The following CDKAL1 variants were observed in gnomAD, a reference collection of about 807,000 sequenced individuals.
The protein encoded by CDKAL1 is CDKAL1 threonylcarbamoyladenosine tRNA methylthiotransferase.
In CDKAL1, 32 loss-of-function variants were observed where a neutral mutation model predicts 68.2. The ratio of observed to expected loss-of-function variants is 0.47; its 90% CI spans 0.35 to 0.63. The LOEUF (loss-of-function observed/expected upper bound fraction) is 0.63. Ranked by LOEUF, CDKAL1 falls within the 30% of genes least tolerant of loss-of-function variation. The probability of loss-of-function intolerance (pLI) is 0.00; values close to 1 mark genes in which losing one functional copy is unlikely to be tolerated. For missense variants in CDKAL1, 606 were observed against 696.7 expected, an observed-to-expected ratio of 0.87 and a Z score of 1.47; for synonymous variants, 234 against 244.3, an observed-to-expected ratio of 0.96 and a Z score of 0.39.
intron 9 of CDKAL1, among the ~76,000 whole-genome samples, chr6:20,877,398 C>G (rs1760575607): frequency 6.6e-6 from 1 of 152,206 alleles, no homozygotes. Context: ...CAGATCCTCA[C>G]TTTGTCCAAA....
At chr6:20,911,832 A>AT (rs1368321713) in intron 9 of CDKAL1, among the ~76,000 whole-genome samples, 1 of 152,200 alleles carries the variant, frequency 6.6e-6, no homozygotes, top group Non-Finnish European at 1.5e-5. Context: ...CTATTCCAGC[A>AT]TTTTAACAGT....
At chr6:20,746,482 A>G (rs897259405) in intron 6 of CDKAL1, among the ~76,000 whole-genome samples, 1 of 152,216 alleles carries the variant, frequency 6.6e-6, no homozygotes, top group African/African-American at 2.4e-5. Flanking sequence ...TAGCGTTGAA[A>G]CACATTAAGC....
In CDKAL1 at chr6:21,176,701, T is replaced by G. The variant is rs552565460; in HGVS notation, c.1300-21320T>G. On this transcript the variant is annotated intron_variant, in intron 13 of 15. Transcript: ENST00000274695. ...ATGTTGGTTTTTTTTTTTTTGTTTT[T>G]TTTTTTTTTTTGAGACGGAGTCTGA... 5.2e-3 allele frequency among the ~76,000 whole-genome samples: 755 copies of G among 146,536 alleles called. 9 individuals are homozygous for G. Among genetic ancestry groups the G allele is most frequent in the Admixed American group, 8.5e-3 (124 of 14,630 alleles).
At chr6:21,202,209 C>T (rs938391774) in intron 15 of CDKAL1, among the ~76,000 whole-genome samples, 3 of 152,100 alleles carry the variant, frequency 2.0e-5, no homozygotes, top group Non-Finnish European at 4.4e-5. Flanking sequence ...ATTCTTGTGT[C>T]CGACAGCAGT....
In CDKAL1 at chr6:20,546,529, C is replaced by CT. The variant is rs779525956; in HGVS notation, c.173+12dup. 11 of 1,608,268 alleles carry CT rather than the reference C, an allele frequency of 6.8e-6. No individual in the cohort carries two copies. The South Asian group carries it at 1.1e-4, about 16-fold the overall frequency. The stretch of plus-strand genomic sequence containing the variant: ...AACAGTCCACCAAGTGACAGGTAAG[C>CT]TTTTTTCCTTGAAATTATATTCATT... On this transcript the variant is annotated splice_region_variant and intron_variant, in intron 3 of 15. Transcript: ENST00000274695.
rs143403927 is a variant in CDKAL1 at position 21,202,471 on chromosome 6, T to C, written c.1548+1197T>C. On this transcript the variant is annotated intron_variant, in intron 15 of 15. Coordinates refer to ENST00000274695, the MANE Select transcript of CDKAL1 (RefSeq NM_017774.3). ...GCAGTGTAACCTGGCATTTAAATTA[T>C]ATTGCTAGAGATTTGGCTTTTGATA... Among the ~76,000 whole-genome samples, 425 of 152,346 alleles carry C rather than the reference T, an allele frequency of 2.8e-3. 2 individuals are homozygous for C. Among genetic ancestry groups the C allele is most frequent in the African/African-American group, 9.7e-3 (403 of 41,580 alleles).
At chr6:21,159,492 A>C (rs540284611) in intron 13 of CDKAL1, among the ~76,000 whole-genome samples, 5 of 152,282 alleles carry the variant, frequency 3.3e-5, no homozygotes, top group Admixed American at 3.3e-4. Context: ...CTTCATATAC[A>C]TCACACTTGC....
At chr6:21,155,353 A>G (rs1478249133) in intron 13 of CDKAL1, among the ~76,000 whole-genome samples, 2 of 152,168 alleles carry the variant, frequency 1.3e-5, no homozygotes, top group Non-Finnish European at 2.9e-5. Context: ...TCCTTGTACA[A>G]TTGGGAGGAG....
chr6:20,849,594 A>C (rs2150501811), intron 9 of CDKAL1, among the ~76,000 whole-genome samples: 1 of 152,224 alleles, frequency 6.6e-6, no homozygotes, highest in African/African-American at 2.4e-5. Flanking sequence ...AAAAAAAAAA[A>C]AAAAAAACAT....
chr6:20,576,435 G>A (rs9358345), intron 4 of CDKAL1, among the ~76,000 whole-genome samples: 50,741 of 152,060 alleles, frequency 0.33, 9,100 homozygotes, highest in East Asian at 0.53. Flanking sequence ...AACAATTGGT[G>A]TTTCATCATT....
At chr6:21,190,094 C>T (rs1488424319) in intron 13 of CDKAL1, among the ~76,000 whole-genome samples, 1 of 151,800 alleles carries the variant, frequency 6.6e-6, no homozygotes, top group East Asian at 1.9e-4. Context: ...TTGAAGGTCA[C>T]AGCCTTGTAT....
At chr6:20,732,441 ATTT>A (rs35633408) in intron 5 of CDKAL1, among the ~76,000 whole-genome samples, 2 of 119,044 alleles carry the variant, frequency 1.7e-5, no homozygotes, top group African/African-American at 3.1e-5. Context: ...ACACCTGGCT[ATTT>A]TTTTTTTTTT....
At chr6:21,214,920 G>A (rs928505068) in intron 15 of CDKAL1, among the ~76,000 whole-genome samples, 3 of 145,024 alleles carry the variant, frequency 2.1e-5, no homozygotes, top group East Asian at 2.0e-4. Flanking sequence ...AATTTGTTCC[G>A]GAGATATATG....
At chr6:20,774,985 G>A (rs372017269) in intron 7 of CDKAL1, among the ~76,000 whole-genome samples, 15 of 152,210 alleles carry the variant, frequency 9.9e-5, no homozygotes, top group African/African-American at 1.4e-4. Context: ...TAAACCCACT[G>A]AGACATATTT....
chr6:21,033,184 G>A (rs548237164), intron 11 of CDKAL1, among the ~76,000 whole-genome samples: 6 of 152,150 alleles, frequency 3.9e-5, no homozygotes, highest in Non-Finnish European at 7.4e-5. Context: ...AGTTATGCCT[G>A]TTTGTTTGTA....
chr6:20,831,777 T>A (rs1777728096), intron 8 of CDKAL1, among the ~76,000 whole-genome samples: 2 of 152,224 alleles, frequency 1.3e-5, no homozygotes, highest in Admixed American at 1.3e-4. Flanking sequence ...AACAATTTTT[T>A]TGATTTCCGG....
chr6:20,868,513 G>A (rs1760025284), intron 9 of CDKAL1, among the ~76,000 whole-genome samples: 2 of 152,204 alleles, frequency 1.3e-5, no homozygotes, highest in Non-Finnish European at 1.5e-5. Flanking sequence ...CTGCAGAAGC[G>A]GCCGTGGCAG....
At chr6:21,090,098 A>G (rs575685757) in intron 12 of CDKAL1, among the ~76,000 whole-genome samples, 143 of 152,344 alleles carry the variant, frequency 9.4e-4, no homozygotes, top group Non-Finnish European at 1.4e-3. Context: ...CTTTGTAGCT[A>G]TAAGTAAATA....
At chr6:20,535,852 G>A (rs1167084352) in intron 2 of CDKAL1, among the ~76,000 whole-genome samples, 3 of 152,204 alleles carry the variant, frequency 2.0e-5, no homozygotes, top group Admixed American at 2.0e-4. Context: ...TGGGTATGAA[G>A]TGGTGTATTA....
Sources: gnomAD v4.1 joint callset for allele counts (sites outside exome capture counted in the v4.1 genomes callset) on GRCh38, gnomAD v4.1.1 for gene constraint, MANE v1.5 for transcripts, NCBI Gene and HGNC (gene_info 2026-07-23, HGNC 2026-07-21) for gene names.